Variants in RAD51B observed in about 807,000 individuals in gnomAD.
RAD51B encodes DNA repair protein RAD51 homolog 2.
In RAD51B, 38 loss-of-function variants were observed where a neutral mutation model predicts 42.2. The observed-to-expected ratio is 0.90, with a 90% CI of 0.70 to 1.18. The LOEUF (loss-of-function observed/expected upper bound fraction) is 1.18, where lower values mean the gene tolerates loss of function less well. Among genes scored for constraint, RAD51B ranks in the 50% most tolerant of loss-of-function variants. The probability of loss-of-function intolerance (pLI) is 0.00; values close to 1 mark genes in which losing one functional copy is unlikely to be tolerated. For missense variants in RAD51B, 373 were observed against 400.7 expected (o/e 0.93, Z 0.59); for synonymous variants, 154 against 145.2 (o/e 1.06, Z -0.43).
intron 9 of RAD51B, 113 bp from the exon 10 acceptor site, chr14:68,468,059 C>T: frequency 1.2e-6 from 1 of 866,994 alleles, no homozygotes; most frequent in Non-Finnish European, 1.9e-6. Context: ...TTTAAATAAG[C>T]CTTGTGACTT....
chr14:68,530,757 T>A (rs1887253387), intron 10 of RAD51B, among the ~76,000 whole-genome samples: 2 of 152,116 alleles, frequency 1.3e-5, no homozygotes, highest in Admixed American at 6.5e-5. Context: ...CATTAAAATA[T>A]GTATTATATC....
At chr14:68,214,525 C>T (rs1348781072) in intron 7 of RAD51B, among the ~76,000 whole-genome samples, 1 of 152,102 alleles carries the variant, frequency 6.6e-6, no homozygotes, top group Non-Finnish European at 1.5e-5. Flanking sequence ...CTTTTGAAAT[C>T]AGTTAAGACA....
downstream of RAD51B, among the ~76,000 whole-genome samples, chr14:68,481,193 A>G (rs760304924): frequency 6.6e-6 from 1 of 152,116 alleles, no homozygotes; most frequent in Non-Finnish European, 1.5e-5. Context: ...TGAGGAAAAT[A>G]TATTATTTTT....
intron 7 of RAD51B, among the ~76,000 whole-genome samples, chr14:68,252,926 CA>C (rs927172654): frequency 1.3e-5 from 2 of 151,924 alleles, no homozygotes; most frequent in African/African-American, 4.8e-5. Flanking sequence ...ACTAAAAGTA[CA>C]AAAAAATTAG....
At chr14:68,413,617 A>T (rs1254916680) in intron 9 of RAD51B, among the ~76,000 whole-genome samples, 1 of 152,236 alleles carries the variant, frequency 6.6e-6, no homozygotes, top group African/African-American at 2.4e-5. Context: ...TAACTAGAAT[A>T]AAGTTTGATA....
chr14:68,041,563 C>CT (rs528739454), intron 7 of RAD51B, among the ~76,000 whole-genome samples: 131 of 145,668 alleles, frequency 9.0e-4, no homozygotes, highest in East Asian at 3.2e-3. Context: ...TTTATACTCT[C>CT]TTTTTTTTTT....
chr14:68,435,631 C>T (rs2085129377), intron 9 of RAD51B, among the ~76,000 whole-genome samples: 1 of 151,844 alleles, frequency 6.6e-6, no homozygotes, highest in Admixed American at 6.6e-5. Context: ...GAACTATCTA[C>T]ATTCCCACCA....
intron 10 of RAD51B, among the ~76,000 whole-genome samples, chr14:68,591,423 T>C (rs969558810): frequency 3.3e-5 from 5 of 152,222 alleles, no homozygotes; most frequent in Non-Finnish European, 7.3e-5. Flanking sequence ...CTCATTGGCT[T>C]TTCCATCTCT....
rs1026466942 is a variant in RAD51B, at chr14:68,153,551, T to C, written c.757-138333T>C. ...CCATTCTGACTTGTGTGAGATATTA[T>C]CTCATTGTGGTTTTGATTTGCATTT... is the stretch of plus-strand genomic sequence containing the variant. On this transcript the variant is annotated intron_variant, in intron 7 of 10. Coordinates refer to ENST00000471583, the MANE Select transcript of RAD51B (RefSeq NM_133510.4). Among the ~76,000 whole-genome samples, 8 of 152,348 alleles carry C rather than the reference T, an allele frequency of 5.3e-5. No homozygotes were observed. In the East Asian group the frequency reaches 1.5e-3, roughly 29 times the overall value.
chr14:68,378,074 G>T (rs2083407518), intron 8 of RAD51B, among the ~76,000 whole-genome samples: 1 of 151,994 alleles, frequency 6.6e-6, no homozygotes, highest in South Asian at 2.1e-4. Flanking sequence ...CCTTTAAAAG[G>T]ACTCCACATA....
At chr14:68,229,845 C>T (rs1470138721) in intron 7 of RAD51B, among the ~76,000 whole-genome samples, 2 of 152,182 alleles carry the variant, frequency 1.3e-5, no homozygotes, top group Non-Finnish European at 2.9e-5. Flanking sequence ...GGGACAGGAT[C>T]AGAGCTGTGT....
At chr14:68,319,810 A>G (rs1045799353) in intron 8 of RAD51B, among the ~76,000 whole-genome samples, 1 of 152,222 alleles carries the variant, frequency 6.6e-6, no homozygotes. Flanking sequence ...CTCACTAGAC[A>G]TGGTTCTGAG....
chr14:67,930,065 C>T (rs1347075550), intron 7 of RAD51B, among the ~76,000 whole-genome samples: 1 of 152,076 alleles, frequency 6.6e-6, no homozygotes, highest in East Asian at 1.9e-4. Context: ...CATTTATTTA[C>T]TTTGAGTCTA....
At chr14:68,367,991 C>T (rs1275604716) in intron 8 of RAD51B, among the ~76,000 whole-genome samples, 1 of 152,158 alleles carries the variant, frequency 6.6e-6, no homozygotes, top group African/African-American at 2.4e-5. Context: ...TGATTCTTAT[C>T]TTAATAGCTA....
At chr14:68,632,621 G>T (rs943908458) in intron 10 of RAD51B, among the ~76,000 whole-genome samples, 1 of 152,132 alleles carries the variant, frequency 6.6e-6, no homozygotes. Context: ...TTTTGCACCC[G>T]TCCACTCACC....
At chr14:68,013,419 G>A (rs2075720937) in intron 7 of RAD51B, among the ~76,000 whole-genome samples, 1 of 152,076 alleles carries the variant, frequency 6.6e-6, no homozygotes. Context: ...GTGATGGGTG[G>A]GGTTGGCAAG....
At chr14:68,649,020 C>T (rs1892644612) in intron 10 of RAD51B, among the ~76,000 whole-genome samples, 2 of 152,096 alleles carry the variant, frequency 1.3e-5, no homozygotes, top group South Asian at 4.2e-4. Context: ...CCTCGCATGT[C>T]ATAGCAATGG....
At chr14:68,321,404 T>G (rs1296112672) in intron 8 of RAD51B, among the ~76,000 whole-genome samples, 1 of 152,200 alleles carries the variant, frequency 6.6e-6, no homozygotes, top group Non-Finnish European at 1.5e-5. Flanking sequence ...GCAAAGGTTT[T>G]GGTTCTCTCC....
intron 7 of RAD51B, among the ~76,000 whole-genome samples, chr14:68,182,264 T>A (rs923412272): frequency 6.6e-6 from 1 of 152,238 alleles, no homozygotes; most frequent in African/African-American, 2.4e-5. Context: ...ATTTACTTTT[T>A]CCAATTTTGA....
Sources: gnomAD v4.1 joint callset for allele counts (sites outside exome capture counted in the v4.1 genomes callset) on GRCh38, gnomAD v4.1.1 for gene constraint, MANE v1.5 for transcripts, NCBI Gene and HGNC (gene_info 2026-07-23, HGNC 2026-07-21) for gene names.